The following RIT2 variants were observed in gnomAD, a reference collection of about 807,000 sequenced individuals.
RIT2 encodes GTP-binding protein Rit2.
In RIT2, 24 loss-of-function variants were observed where a neutral mutation model predicts 23.7. The ratio of observed to expected loss-of-function variants is 1.01; its 90% CI spans 0.73 to 1.43. RIT2 has a LOEUF of 1.43. Among genes scored for constraint, RIT2 ranks in the 40% most tolerant of loss-of-function variants. The probability of loss-of-function intolerance (pLI) is 0.00; values close to 1 mark genes in which losing one functional copy is unlikely to be tolerated. For missense variants in RIT2, 236 were observed against 266.9 expected (o/e 0.88, Z 0.81); for synonymous variants, 107 against 91.1 (o/e 1.17, Z -0.99).
chr18:42,933,741 C>T (rs112827217), intron 3 of RIT2, among the ~76,000 whole-genome samples: 255 of 152,084 alleles, frequency 1.7e-3, no homozygotes, highest in African/African-American at 5.9e-3. Flanking sequence ...CTTTCCTGGC[C>T]GGGTGTGGTG....
chr18:42,779,514 T>C (rs1394032934), intron 4 of RIT2, among the ~76,000 whole-genome samples: 1 of 152,196 alleles, frequency 6.6e-6, no homozygotes, highest in Non-Finnish European at 1.5e-5. Context: ...AACTCTTCTA[T>C]TGCAAGTCTT....
intron 4 of RIT2, among the ~76,000 whole-genome samples, chr18:42,800,592 G>A (rs1598659229): frequency 1.3e-5 from 2 of 150,188 alleles, no homozygotes; most frequent in Non-Finnish European, 3.0e-5. Flanking sequence ...GTGGAGTGGC[G>A]CCATCTGGCT....
intron 2 of RIT2, among the ~76,000 whole-genome samples, chr18:42,995,322 G>T (rs992556282): frequency 1.3e-5 from 2 of 151,746 alleles, no homozygotes; most frequent in African/African-American, 4.8e-5. Context: ...CCCCACCCAG[G>T]ACTGGTAAAT....
intron 4 of RIT2, among the ~76,000 whole-genome samples, chr18:42,907,034 C>T (rs1241817549): frequency 6.6e-6 from 1 of 151,966 alleles, no homozygotes; most frequent in Non-Finnish European, 1.5e-5. Context: ...TTTGCTTATA[C>T]CTCCCTCAGT....
intron 4 of RIT2, among the ~76,000 whole-genome samples, chr18:42,780,629 C>T (rs1170217738): frequency 6.6e-6 from 1 of 152,176 alleles, no homozygotes; most frequent in Non-Finnish European, 1.5e-5. Flanking sequence ...CACTGTCTGT[C>T]ACATGATTTT....
At chr18:43,052,828 TAGCCTATCAA>T (rs1444702617) in intron 1 of RIT2, among the ~76,000 whole-genome samples, 1 of 152,072 alleles carries the variant, frequency 6.6e-6, no homozygotes, top group Non-Finnish European at 1.5e-5. Context: ...TGACTTCGAG[TAGCCTATCAA>T]AGCAAGTGCA....
At chr18:42,844,987 T>C (rs1906868760) in intron 4 of RIT2, among the ~76,000 whole-genome samples, 3 of 152,202 alleles carry the variant, frequency 2.0e-5, no homozygotes, top group African/African-American at 7.2e-5. Context: ...CAGGGAGTTT[T>C]ATTAGTGGAC....
chr18:43,013,279 T>G lies in RIT2; in HGVS notation c.160+20532A>C, dbSNP rs957565580. On this transcript the variant is annotated intron_variant, in intron 2 of 4. Transcript: ENST00000326695. The stretch of plus-strand genomic sequence containing the variant: ...TTAAGATTAACCACAATGGTTTATT[T>G]TTTTTAAACAATGCAAACATGAACT... 5.3e-5 allele frequency among the ~76,000 whole-genome samples: 8 copies of G among 151,990 alleles called. 2 individuals are homozygous for G. The highest frequency in any genetic ancestry group is 5.3e-4 in the Admixed American group (8 of 15,230).
chr18:43,014,056 C>A (rs944987620), intron 2 of RIT2, among the ~76,000 whole-genome samples: 39 of 151,850 alleles, frequency 2.6e-4, no homozygotes, highest in African/African-American at 8.7e-4. Flanking sequence ...ATTATGAAAC[C>A]AATAATCACA....
chr18:42,889,429 G>T (rs1908113531), intron 4 of RIT2, among the ~76,000 whole-genome samples: 2 of 151,918 alleles, frequency 1.3e-5, no homozygotes, highest in East Asian at 1.9e-4. Context: ...TAGGAAAATT[G>T]GGTTATTTGT....
intron 3 of RIT2, among the ~76,000 whole-genome samples, chr18:42,947,767 T>G (rs925258787): frequency 1.3e-5 from 2 of 152,086 alleles, no homozygotes; most frequent in Non-Finnish European, 2.9e-5. Context: ...CACAGAAAAC[T>G]GCAAAGCAAA....
At chr18:42,747,188 A>G (rs1198761602) in intron 4 of RIT2, among the ~76,000 whole-genome samples, 1 of 152,002 alleles carries the variant, frequency 6.6e-6, no homozygotes, top group Non-Finnish European at 1.5e-5. Context: ...AGATAAATGA[A>G]TTCAGCAAAT....
intron 4 of RIT2, among the ~76,000 whole-genome samples, chr18:42,882,747 G>A (rs949377798): frequency 6.6e-6 from 1 of 152,128 alleles, no homozygotes; most frequent in Non-Finnish European, 1.5e-5. Flanking sequence ...CTCCAGAAGA[G>A]GACCACAGTC....
intron 4 of RIT2, among the ~76,000 whole-genome samples, chr18:42,744,905 ATGC>A (rs1912882435): frequency 1.3e-5 from 2 of 152,166 alleles, no homozygotes; most frequent in South Asian, 4.1e-4. Context: ...GCTGTGGTTC[ATGC>A]TGTTGTAATG....
At chr18:42,962,459 A>G (rs1910114712) in intron 3 of RIT2, among the ~76,000 whole-genome samples, 1 of 152,208 alleles carries the variant, frequency 6.6e-6, no homozygotes, top group Non-Finnish European at 1.5e-5. Flanking sequence ...TTGAAACTTG[A>G]ATTGATTCAA....
chr18:42,783,079 C>T (rs1913848268), intron 4 of RIT2, among the ~76,000 whole-genome samples: 1 of 152,102 alleles, frequency 6.6e-6, no homozygotes, highest in East Asian at 1.9e-4. Context: ...GTTTAAAATA[C>T]TTTTAAGTCC....
intron 3 of RIT2, among the ~76,000 whole-genome samples, chr18:42,950,795 C>A (rs1397661981): frequency 6.6e-6 from 1 of 150,812 alleles, no homozygotes; most frequent in Admixed American, 6.6e-5. Flanking sequence ...ACTTGTGGAG[C>A]ATGTGAAAAA....
chr18:42,963,536 A>G (rs1483038078), intron 3 of RIT2, among the ~76,000 whole-genome samples: 1 of 152,214 alleles, frequency 6.6e-6, no homozygotes, highest in Non-Finnish European at 1.5e-5. Flanking sequence ...TTCATGGGAA[A>G]AAAAGAAGGA....
intron 4 of RIT2, among the ~76,000 whole-genome samples, chr18:42,848,730 A>G (rs965182576): frequency 3.9e-5 from 6 of 152,136 alleles, no homozygotes; most frequent in African/African-American, 1.4e-4. Flanking sequence ...AGTCATTTAC[A>G]GAAAGCACAT....
Sources: gnomAD v4.1 joint callset for allele counts (sites outside exome capture counted in the v4.1 genomes callset) on GRCh38, gnomAD v4.1.1 for gene constraint, MANE v1.5 for transcripts, NCBI Gene and HGNC (gene_info 2026-07-23, HGNC 2026-07-21) for gene names.